PTPRD: variants seen among roughly 807,000 people sequenced by gnomAD.
The protein encoded by PTPRD is receptor-type tyrosine-protein phosphatase delta.
Under a neutral mutation model 214.5 loss-of-function variants are expected in PTPRD, and 34 were observed. The observed-to-expected ratio is 0.16, with a 90% confidence interval of 0.12 to 0.21. The LOEUF (loss-of-function observed/expected upper bound fraction) is 0.21, where lower values mean the gene tolerates loss of function less well. Ranked by LOEUF, PTPRD falls within the 10% of genes least tolerant of loss-of-function variation. The pLI, the probability that PTPRD is intolerant of heterozygous loss-of-function variation, is 1.00. For missense variants in PTPRD, 2,545 were observed against 2,398.7 expected, an observed-to-expected ratio of 1.06 and a Z score of -1.27; for synonymous variants, 1,128 against 845.7, an observed-to-expected ratio of 1.33 and a Z score of -5.79.
At chr9:9,049,813 C>A (rs7035296) in intron 10 of PTPRD, among the ~76,000 whole-genome samples, 9,907 of 152,126 alleles carry the variant, frequency 0.065, 541 homozygotes, top group African/African-American at 0.15. Flanking sequence ...TTAAAACAAC[C>A]ATCTTATTGT....
intron 28 of PTPRD, 117 bp downstream of exon 28, chr9:8,485,645 G>T (rs944910244): frequency 2.1e-6 from 2 of 935,482 alleles, no homozygotes; most frequent in South Asian, 3.5e-5. Context: ...TTACCTTTTT[G>T]TTTTTGCTGA....
chr9:8,648,633 A>G (rs2096743752), intron 12 of PTPRD, among the ~76,000 whole-genome samples: 1 of 152,228 alleles, frequency 6.6e-6, no homozygotes, highest in Non-Finnish European at 1.5e-5. Context: ...CGTTTTGTTC[A>G]ATAGAGTGAT....
intron 39 of PTPRD, among the ~76,000 whole-genome samples, chr9:8,374,792 C>G (rs958052691): frequency 4.6e-5 from 7 of 151,884 alleles, no homozygotes; most frequent in Admixed American, 3.3e-4. Flanking sequence ...AAAAGAGAAA[C>G]TTTATCCTGT....
At chr9:8,649,835 G>C (rs1317900866) in intron 12 of PTPRD, among the ~76,000 whole-genome samples, 1 of 152,118 alleles carries the variant, frequency 6.6e-6, no homozygotes, top group Non-Finnish European at 1.5e-5. Context: ...TGATTCCAAT[G>C]ATAAGATGCT....
At chr9:8,860,117 C>T (rs1016041751) in intron 11 of PTPRD, 1 of 152,218 alleles carries the variant, frequency 6.6e-6, no homozygotes, top group Non-Finnish European at 1.5e-5. Flanking sequence ...ATCCCACTTT[C>T]CTCATCCAAA....
At chr9:8,555,876 G>C (rs2141002828) in intron 14 of PTPRD, among the ~76,000 whole-genome samples, 1 of 152,306 alleles carries the variant, frequency 6.6e-6, no homozygotes, top group South Asian at 2.1e-4. Context: ...CACGGGTCAA[G>C]GTCCATCTTG....
chr9:10,170,611 C>G (rs186652212), intron 3 of PTPRD, among the ~76,000 whole-genome samples: 76 of 152,178 alleles, frequency 5.0e-4, no homozygotes, highest in African/African-American at 1.7e-3. Flanking sequence ...GATGTGAACC[C>G]GGGAGGCGGA....
intron 3 of PTPRD, among the ~76,000 whole-genome samples, chr9:10,329,368 C>T (rs1341258356): frequency 6.6e-6 from 1 of 151,626 alleles, no homozygotes; most frequent in Non-Finnish European, 1.5e-5. Context: ...TTTTAATGTG[C>T]ATGTTCTAAG....
In PTPRD at chr9:8,316,756, G is replaced by A. The variant is rs996163965; in HGVS notation, c.*1118C>T. ...GATTAGGTAGGAAATCAGGGGGTGAGGTTTGACAATCAATCACTGATGTGC... is the reference window on the plus strand; with the variant it reads ...GATTAGGTAGGAAATCAGGGGGTGAAGTTTGACAATCAATCACTGATGTGC... On this transcript the variant is annotated 3_prime_UTR_variant, in exon 46 of 46. Transcript: ENST00000381196. The A allele has an allele frequency of 4.3e-6, 1 of 230,624 alleles. No homozygotes were observed. Among genetic ancestry groups the A allele is most frequent in the Admixed American group, 5.7e-5 (1 of 17,656 alleles). 14.3% of individuals were successfully genotyped at this position (230,624 alleles called of 1,614,324 possible). A position where few individuals can be genotyped will look rare whatever the true frequency, so the allele number is the denominator to read the frequency against.
At chr9:10,543,477 T>TACACACACACACAC (rs370246328) in intron 2 of PTPRD, among the ~76,000 whole-genome samples, 3 of 141,400 alleles carry the variant, frequency 2.1e-5, no homozygotes, top group African/African-American at 7.7e-5. Context: ...AATATATATA[T>TACACACACACACAC]ATACACACAC....
intron 9 of PTPRD, among the ~76,000 whole-genome samples, chr9:9,200,450 C>T (rs1316587779): frequency 6.6e-6 from 1 of 152,172 alleles, no homozygotes; most frequent in Non-Finnish European, 1.5e-5. Flanking sequence ...AAACAGTTTA[C>T]ACTTGTTGGC....
chr9:8,708,370 A>G (rs934480691), intron 12 of PTPRD, among the ~76,000 whole-genome samples: 1 of 152,056 alleles, frequency 6.6e-6, no homozygotes, highest in Admixed American at 6.5e-5. Flanking sequence ...GAAGTTCCTT[A>G]AATATGAAAA....
chr9:8,773,357 T>G (rs1293856678), intron 11 of PTPRD, among the ~76,000 whole-genome samples: 1 of 152,148 alleles, frequency 6.6e-6, no homozygotes, highest in Admixed American at 6.5e-5. Flanking sequence ...ACTCAGGAGT[T>G]TGCCAAGTTT....
At chr9:10,557,630 G>C (rs114730092) in intron 2 of PTPRD, among the ~76,000 whole-genome samples, 1 of 151,942 alleles carries the variant, frequency 6.6e-6, no homozygotes, top group African/African-American at 2.4e-5. Context: ...CTGTGTTCCT[G>C]GTTCAAATTT....
chr9:9,826,804 C>T (rs2053037624), intron 5 of PTPRD, among the ~76,000 whole-genome samples: 1 of 152,056 alleles, frequency 6.6e-6, no homozygotes. Context: ...GCAACTTCAG[C>T]AAAGTCTCAG....
At chr9:8,547,141 T>C (rs1055176343) in intron 14 of PTPRD, among the ~76,000 whole-genome samples, 2 of 152,208 alleles carry the variant, frequency 1.3e-5, no homozygotes, top group African/African-American at 4.8e-5. Flanking sequence ...TTTAAAAATA[T>C]ATAATGTACA....
intron 5 of PTPRD, among the ~76,000 whole-genome samples, chr9:9,808,807 TG>T (rs1198844505): frequency 6.6e-6 from 1 of 152,184 alleles, no homozygotes; most frequent in African/African-American, 2.4e-5. Flanking sequence ...GGTCTTGCTT[TG>T]TTTTACAGGC....
chr9:8,633,148 C>T (rs543085774), intron 14 of PTPRD, among the ~76,000 whole-genome samples, 169 bp downstream of exon 14: 2 of 152,010 alleles, frequency 1.3e-5, no homozygotes, highest in East Asian at 3.9e-4. Flanking sequence ...CTGTAAAGAC[C>T]CAAAACTAGA....
intron 6 of PTPRD, among the ~76,000 whole-genome samples, chr9:9,747,382 G>A (rs1171582988): frequency 6.6e-6 from 1 of 152,136 alleles, no homozygotes; most frequent in African/African-American, 2.4e-5. Flanking sequence ...GTGCAGCACA[G>A]AACTTTATAT....
Sources: gnomAD v4.1 joint callset for allele counts (sites outside exome capture counted in the v4.1 genomes callset) on GRCh38, gnomAD v4.1.1 for gene constraint, MANE v1.5 for transcripts, NCBI Gene and HGNC (gene_info 2026-07-23, HGNC 2026-07-21) for gene names.